HPS1: variants seen among roughly 807,000 people sequenced by gnomAD.
The protein encoded by HPS1 is BLOC-3 complex member HPS1.
In HPS1, 59 loss-of-function variants were observed where a neutral mutation model predicts 90.6. The ratio of observed to expected loss-of-function variants is 0.65; its 90% CI spans 0.53 to 0.81. The LOEUF is 0.81. HPS1 is among the 30% of genes least tolerant of loss of function. The pLI is 0.00. For missense variants in HPS1, 849 were observed against 896.7 expected, an observed-to-expected ratio of 0.95 and a Z score of 0.68; for synonymous variants, 388 against 384.4, an observed-to-expected ratio of 1.01 and a Z score of -0.11.
At chr10:98,420,019 T>G (rs1283485896) in intron 18 of HPS1, 26 bp downstream of exon 18, 9 of 1,436,286 alleles carry the variant, frequency 6.3e-6, no homozygotes, top group Non-Finnish European at 8.8e-6. Context: ...TGGCCCGTCC[T>G]GGCCCAGGGA....
downstream of HPS1, chr10:98,415,234 G>T (rs1843971586): frequency 3.4e-6 from 5 of 1,454,342 alleles, no homozygotes; most frequent in Non-Finnish European, 3.7e-6. Flanking sequence ...AGCAGGAAGA[G>T]GAGGAGCTGC....
chr10:98,435,525 G>C lies in HPS1; in HGVS notation c.255+110C>G. 1 of 1,608,620 alleles carries C rather than the reference G, an allele frequency of 6.2e-7. No homozygotes were observed. The highest frequency in any genetic ancestry group is 8.5e-7 in the Non-Finnish European group (1 of 1,175,420). ...CTCGGGTCCCAGGCGGGTTTGATAA[G>C]ATGCCGTTTCTGCCTTCTAAAGGAG... On this transcript the variant is annotated intron_variant, in intron 4 of 19. Transcript: ENST00000361490. The surrounding 1 kb of genome is among the most constrained non-coding windows in gnomAD (Gnocchi z 4.3).
chr10:98,432,636 C>T (rs561762155), intron 6 of HPS1, among the ~76,000 whole-genome samples: 86 of 152,212 alleles, frequency 5.7e-4, no homozygotes, highest in Non-Finnish European at 1.1e-3. Context: ...TCAAATTTGC[C>T]TGGTCAATTT....
intron 3 of HPS1, among the ~76,000 whole-genome samples, chr10:98,436,651 T>C (rs146142700): frequency 1.3e-5 from 2 of 152,218 alleles, no homozygotes; most frequent in Non-Finnish European, 2.9e-5. Flanking sequence ...AATGTGTGAA[T>C]AAAATGGGAT....
intron 3 of HPS1, among the ~76,000 whole-genome samples, chr10:98,438,577 T>C (rs1458793727): frequency 6.6e-6 from 1 of 152,096 alleles, no homozygotes; most frequent in Non-Finnish European, 1.5e-5. Flanking sequence ...ATTCAGGGAG[T>C]GACTTGGGTG....
chr10:98,429,056 A>G (rs998578749), intron 10 of HPS1: 13 of 211,220 alleles, frequency 6.2e-5, no homozygotes, highest in Non-Finnish European at 9.6e-5. Context: ...TGGCCAGGCT[A>G]GTCTCAAACT....
chr10:98,429,543 T>C (rs866647042), intron 10 of HPS1, 30 bp downstream of exon 10: 4 of 1,614,166 alleles, frequency 2.5e-6, no homozygotes, highest in East Asian at 4.5e-5. Flanking sequence ...AGCTAGCTAT[T>C]GTTTCCTCCT....
intron 11 of HPS1, 194 bp from the exon 12 acceptor site, chr10:98,426,179 G>A: frequency 1.7e-6 from 1 of 590,078 alleles, no homozygotes; most frequent in Non-Finnish European, 3.0e-6. Context: ...GCTGCTCCTG[G>A]GCCTTTCTGC....
chr10:98,425,592 C>A lies in HPS1; in HGVS notation c.1284G>T (p.Leu428=). The change falls in exon 13 of 20, where the codon CTG becomes CTT. Residue 428 remains leucine (L), a synonymous_variant. Transcript: ENST00000361490. The stretch of plus-strand genomic sequence containing the variant: ...TGACAAACTTGTCCATCCTCTGGCG[C>A]AGGTCTCCCACGAGGGGCTGGGAGC... ...SLRSQPLVGD[L]RQRMDKFVKN... is the part of the protein sequence containing the mutation. 1 of 1,613,826 alleles carries A rather than the reference C, an allele frequency of 6.2e-7. No individual in the cohort carries two copies. The highest frequency in any genetic ancestry group is 8.5e-7 in the Non-Finnish European group (1 of 1,179,916).
chr10:98,425,101 G>A (rs145081231), intron 13 of HPS1, among the ~76,000 whole-genome samples: 1 of 152,226 alleles, frequency 6.6e-6, no homozygotes, highest in Non-Finnish European at 1.5e-5. Context: ...AAGCTCACTG[G>A]GGGTGGGGTG....
At chr10:98,415,321 CCGT>C (rs1843981426), downstream of HPS1, 8 of 770,850 alleles carry the variant, frequency 1.0e-5, no homozygotes, top group South Asian at 1.7e-4. Flanking sequence ...CTGTGCTGGG[CCGT>C]CGGGAGTGTT....
At chr10:98,419,412 C>T (rs1844553468) in intron 18 of HPS1, among the ~76,000 whole-genome samples, 1 of 151,928 alleles carries the variant, frequency 6.6e-6, no homozygotes, top group Non-Finnish European at 1.5e-5. Flanking sequence ...GAGGGAGAGA[C>T]AGGAGGAGAG....
At chr10:98,436,820 A>C (rs1847404029) in intron 3 of HPS1, among the ~76,000 whole-genome samples, 2 of 152,220 alleles carry the variant, frequency 1.3e-5, no homozygotes, top group African/African-American at 4.8e-5. Context: ...GAAGCTGAGT[A>C]AGACCTTGCC....
In HPS1 at chr10:98,423,816, G is replaced by T. The variant is rs773135623; in HGVS notation, c.1469C>A (p.Ala490Asp). The T allele has an allele frequency of 1.2e-6, 2 of 1,614,008 alleles. No homozygotes were observed. The highest frequency in any genetic ancestry group is 3.3e-5 in the Admixed American group (2 of 60,032). ...AIYRLNFLTTAPSRGGPHLPQ... is the reference protein window; with the variant it reads ...AIYRLNFLTTDPSRGGPHLPQ... ...CAGGTGTGGGCCTCCCCTGCTGGGG[G>T]CTGTGGTCAGAAAGTTCAGCCGGTA... The change falls in exon 15 of 20, where the codon GCC (alanine) becomes GAC (aspartate). Residue 490 changes from alanine (A) to aspartate (D), a missense_variant. Coordinates refer to ENST00000361490, the MANE Select transcript of HPS1 (RefSeq NM_000195.5).
At chr10:98,434,966 G>A (rs897172179) in intron 5 of HPS1, 1 of 428,038 alleles carries the variant, frequency 2.3e-6, no homozygotes, top group Admixed American at 3.5e-5. Flanking sequence ...GGGTGATGAT[G>A]TTGGGAGGAT....
intron 3 of HPS1, among the ~76,000 whole-genome samples, chr10:98,439,229 T>C (rs1364991708): frequency 1.3e-5 from 2 of 152,196 alleles, no homozygotes; most frequent in East Asian, 1.9e-4. Context: ...CACTGGGGCA[T>C]TGCCTAGTGG....
intron 11 of HPS1, 41 bp downstream of exon 11, chr10:98,427,174 T>G: frequency 6.6e-7 from 1 of 1,521,242 alleles, no homozygotes. Context: ...CTGCGGCATC[T>G]CAGATCAGCT....
intron 7 of HPS1, 110 bp downstream of exon 7, chr10:98,431,021 A>G (rs1846369994): frequency 8.7e-7 from 1 of 1,146,840 alleles, no homozygotes; most frequent in Middle Eastern, 1.9e-4. Flanking sequence ...TTCAGGCTTC[A>G]TGGAGGAGGT....
rs1464644718 is a variant in HPS1, at chr10:98,431,205, G to C, written c.594C>G (p.Ser198Arg). 2.5e-6 allele frequency: 4 copies of C among 1,614,000 alleles called. No individual in the cohort carries two copies. Among genetic ancestry groups the C allele is most frequent in the Non-Finnish European group, 2.5e-6 (3 of 1,180,032 alleles). The change falls in exon 7 of 20, where the codon AGC becomes AGG. Residue 198 changes from serine (S) to arginine (R), a missense_variant. By Grantham distance (110) the Ser-to-Arg change is moderately radical. Transcript: ENST00000361490. ...GGGCCTCCTCGCCTCCCCGCTCGGG[G>C]CTGGTGTTGACAGCCTGGATGACGT... ...ERHVIQAVNT[S>R]PERGGEEALH...
Sources: allele counts gnomAD v4.1 joint callset (sites outside exome capture counted in the v4.1 genomes callset), GRCh38; gene constraint gnomAD v4.1.1; non-coding constraint Gnocchi (gnomAD v3.1); transcripts MANE v1.5; gene names NCBI Gene and HGNC (gene_info 2026-07-23, HGNC 2026-07-21).